HDHD2: variants seen among roughly 807,000 people sequenced by gnomAD.
HDHD2 encodes haloacid dehalogenase like hydrolase domain containing 2.
In HDHD2, 26 loss-of-function variants were observed where a neutral mutation model predicts 24.8. The observed-to-expected ratio is 1.05, with a 90% CI of 0.77 to 1.45. The LOEUF (loss-of-function observed/expected upper bound fraction) is 1.45. HDHD2 is among the 40% of genes most tolerant of loss of function. The pLI is 0.00. For missense variants in HDHD2, 299 were observed against 313.4 expected, an observed-to-expected ratio of 0.95 and a Z score of 0.35; for synonymous variants, 128 against 114.9, an observed-to-expected ratio of 1.11 and a Z score of -0.73.
At chr18:47,130,806 T>A (rs2063706682) in intron 3 of HDHD2, among the ~76,000 whole-genome samples, 1 of 152,188 alleles carries the variant, frequency 6.6e-6, no homozygotes. Context: ...ACATTCATGA[T>A]TAATATGAAA....
intron 3 of HDHD2, among the ~76,000 whole-genome samples, chr18:47,132,712 T>C (rs2063724590): frequency 6.6e-6 from 1 of 152,252 alleles, no homozygotes; most frequent in Admixed American, 6.5e-5. Context: ...ATTTTCTATA[T>C]TGTGCCATTG....
chr18:47,126,061 T>A (rs1230658504), intron 4 of HDHD2, among the ~76,000 whole-genome samples: 1 of 152,236 alleles, frequency 6.6e-6, no homozygotes, highest in Non-Finnish European at 1.5e-5. Flanking sequence ...TTCTCCTACA[T>A]ACACTAATGA....
chr18:47,140,600 C>T (rs912828811), intron 1 of HDHD2, among the ~76,000 whole-genome samples: 1 of 152,204 alleles, frequency 6.6e-6, no homozygotes, highest in East Asian at 1.9e-4. Flanking sequence ...CTCACTGCAG[C>T]CTCGACTGCC....
rs1217998914 is a variant in HDHD2 at position 47,130,251 on chromosome 18, C to T, written c.388G>A (p.Ala130Thr). ...EHFHYQILNQ[A>T]FRLLLDGAPL... is the part of the protein sequence containing the mutation. The stretch of plus-strand genomic sequence containing the variant: ...ATAAATAGCTAGGTTTACCGGAATG[C>T]TTGATTCAGAATTTGATAATGAAAA... The change falls in exon 4 of 7, where the codon GCA (alanine) becomes ACA (threonine). Residue 130 changes from alanine (A) to threonine (T), a missense_variant. Physicochemically the swap from Ala to Thr is moderately conservative, Grantham distance 58. Transcript: ENST00000300605. The T allele has an allele frequency of 5.7e-6, 9 of 1,584,386 alleles. No individual in the cohort carries two copies. The highest frequency in any genetic ancestry group is 1.3e-5 in the African/African-American group (1 of 74,112).
chr18:47,129,780 A>T (rs751546563), intron 4 of HDHD2, among the ~76,000 whole-genome samples: 1 of 152,178 alleles, frequency 6.6e-6, no homozygotes, highest in Non-Finnish European at 1.5e-5. Context: ...ATAATAAAAG[A>T]TAAAACTGCT....
intron 4 of HDHD2, among the ~76,000 whole-genome samples, chr18:47,120,342 T>G (rs991642119): frequency 6.6e-6 from 1 of 152,258 alleles, no homozygotes; most frequent in African/African-American, 2.4e-5. Flanking sequence ...CATCTTGCAC[T>G]TTAATGCAAG....
intron 4 of HDHD2, among the ~76,000 whole-genome samples, chr18:47,126,691 G>A (rs969763227): frequency 2.0e-5 from 3 of 152,128 alleles, no homozygotes; most frequent in South Asian, 2.1e-4. Context: ...ATGGAGAGCA[G>A]TTTCTTAATA....
At chr18:47,113,189 AC>A (rs1568042823) in intron 5 of HDHD2, 149 bp from the exon 6 acceptor site, 1 of 689,500 alleles carries the variant, frequency 1.5e-6, no homozygotes, top group African/African-American at 1.8e-5. Flanking sequence ...AGGTGAATCC[AC>A]ATGTAATACT....
At chr18:47,125,493 C>T (rs2063649910) in intron 4 of HDHD2, among the ~76,000 whole-genome samples, 1 of 152,122 alleles carries the variant, frequency 6.6e-6, no homozygotes, top group Admixed American at 6.6e-5. Context: ...AACCCATGTC[C>T]ATTAACAGCA....
chr18:47,116,898 C>A (rs545390250), intron 4 of HDHD2, among the ~76,000 whole-genome samples: 5 of 152,286 alleles, frequency 3.3e-5, no homozygotes, highest in Admixed American at 1.3e-4. Flanking sequence ...TAAGACTTAT[C>A]AGCTTGATTG....
In HDHD2 at chr18:47,115,293, T is replaced by C; in HGVS notation, c.451A>G (p.Arg151Gly). Residue 151 changes from arginine to glycine, a missense_variant, in exon 5 of 7, where the codon AGG becomes GGG. Transcript: ENST00000300605. ...IAIHKARYYK[R>G]KDGLALGPGP... ...GGCCCCAGGGCTAAGCCATCTTTCC[T>C]CTTGTAATACCTGGCTTTGTGGATT... 6.2e-7 allele frequency: 1 copy of C among 1,614,020 alleles called. No homozygotes were observed. The highest frequency in any genetic ancestry group is 1.1e-5 in the South Asian group (1 of 91,082).
chr18:47,129,105 T>C (rs1416107235), intron 4 of HDHD2, among the ~76,000 whole-genome samples: 3 of 152,172 alleles, frequency 2.0e-5, no homozygotes, highest in Non-Finnish European at 4.4e-5. Flanking sequence ...AACTATATAC[T>C]TGACATACAT....
intron 1 of HDHD2, among the ~76,000 whole-genome samples, chr18:47,141,648 A>T: frequency 8.3e-6 from 1 of 120,382 alleles, no homozygotes; most frequent in East Asian, 2.0e-4. Flanking sequence ...TATGTCATTT[A>T]GTTTGTTGCT....
rs765126242 is a variant in HDHD2, at chr18:47,115,290, TC to T, written c.453del (p.Asp153MetfsTer3). 37 of 1,613,944 alleles carry T rather than the reference TC, an allele frequency of 2.3e-5. No homozygotes were observed. The highest frequency in any genetic ancestry group is 5.1e-6 in the Non-Finnish European group (6 of 1,179,952). On this transcript the variant is annotated frameshift_variant, in exon 5 of 7. Transcript: ENST00000300605. LOFTEE classifies it high-confidence loss of function. ...IAIHKARYYKRKDGLALGPGP... is the reference protein window; with the variant it reads ...IAIHKARYYKXKDGLALGPGP... ...CCAGGCCCCAGGGCTAAGCCATCTT[TC>T]CTCTTGTAATACCTGGCTTTGTGGA... is the stretch of plus-strand genomic sequence containing the variant.
In HDHD2 at chr18:47,108,025, G is replaced by A. The variant is rs1044894645; in HGVS notation, c.*657C>T. 6.6e-6 allele frequency: 1 copy of A among 152,536 alleles called. No individual in the cohort carries two copies. The highest frequency in any genetic ancestry group is 6.5e-5 in the Admixed American group (1 of 15,282). The allele number at this position is 152,536 out of a possible 1,614,324, so 9.4% of individuals were successfully genotyped here. A position where few individuals can be genotyped will look rare whatever the true frequency, so the allele number is the denominator to read the frequency against. On this transcript the variant is annotated 3_prime_UTR_variant, in exon 7 of 7. Coordinates refer to ENST00000300605, the MANE Select transcript of HDHD2 (RefSeq NM_032124.5). ...TATCTGCAATGAATAGGTTATTAAT[G>A]GAAATATTAATTTAAATTAAAATCT...
chr18:47,146,135 AG>A (rs1243598220), intron 1 of HDHD2, among the ~76,000 whole-genome samples: 1 of 151,418 alleles, frequency 6.6e-6, no homozygotes, highest in Non-Finnish European at 1.5e-5. Context: ...AGGCTGAGGA[AG>A]GAGAATCGCT....
At chr18:47,138,043 G>T (rs893870437) in intron 1 of HDHD2, among the ~76,000 whole-genome samples, 5 of 151,788 alleles carry the variant, frequency 3.3e-5, no homozygotes, top group African/African-American at 1.2e-4. Flanking sequence ...GCAGTTGCCT[G>T]TAATCCCAGC....
chr18:47,117,462 CCTT>C (rs750077490), intron 4 of HDHD2, among the ~76,000 whole-genome samples: 4 of 152,170 alleles, frequency 2.6e-5, no homozygotes, highest in Non-Finnish European at 4.4e-5. Flanking sequence ...GCTCTCTTGA[CCTT>C]CTGCCTTCTA....
At chr18:47,140,910 T>C (rs1002984568) in intron 1 of HDHD2, among the ~76,000 whole-genome samples, 5 of 152,172 alleles carry the variant, frequency 3.3e-5, no homozygotes, top group Admixed American at 6.5e-5. Flanking sequence ...ATTGTCTACA[T>C]AGAGAATTTT....
Sources: allele counts gnomAD v4.1 joint callset (sites outside exome capture counted in the v4.1 genomes callset), GRCh38; gene constraint gnomAD v4.1.1; transcripts MANE v1.5; gene names NCBI Gene and HGNC (gene_info 2026-07-23, HGNC 2026-07-21).